Variants in DYNC1H1 observed in about 807,000 individuals in gnomAD.
DYNC1H1 encodes dynein cytoplasmic 1 heavy chain 1.
Under a neutral mutation model 527.1 loss-of-function variants are expected in DYNC1H1, and 51 were observed. That is an observed-to-expected ratio of 0.10 (90% CI 0.08 to 0.12). The LOEUF (loss-of-function observed/expected upper bound fraction) is 0.12. Among genes scored for constraint, DYNC1H1 ranks in the 10% least tolerant of loss-of-function variants. The pLI, the probability that DYNC1H1 is intolerant of heterozygous loss-of-function variation, is 1.00. For missense variants in DYNC1H1, 2,771 were observed against 5,971.8 expected (o/e 0.46, Z 17.66); for synonymous variants, 2,189 against 2,278.8 (o/e 0.96, Z 1.12).
rs1467686842 is a variant in DYNC1H1 at position 102,036,469 on chromosome 14, T to C, written c.10755-20T>C. On this transcript the variant is annotated intron_variant, in intron 56 of 77. Transcript: ENST00000360184. This position sits in a 1 kb window ranked among gnomAD's most constrained non-coding sequence, Gnocchi z 5.6. ...CCCCATTCGGTGTTTCAACCTTCTC[T>C]TCTGTGGCCTCATCCTCAGGTATCC... The C allele has an allele frequency of 6.2e-7, 1 of 1,612,974 alleles. No homozygotes were observed. Among genetic ancestry groups the C allele is most frequent in the Non-Finnish European group, 8.5e-7 (1 of 1,179,770 alleles).
In DYNC1H1 at chr14:102,027,297, G is replaced by T; in HGVS notation, c.8886+9G>T. 6.2e-7 allele frequency: 1 copy of T among 1,614,096 alleles called. No individual in the cohort carries two copies. ...GTGTGTACCAGATTAAGGTGCGTCTGGTCGGTGGCCTCTTAATCCCAGCAA... is the reference window on the plus strand; with the variant it reads ...GTGTGTACCAGATTAAGGTGCGTCTTGTCGGTGGCCTCTTAATCCCAGCAA... On this transcript the variant is annotated intron_variant, in intron 45 of 77. Coordinates refer to ENST00000360184, the MANE Select transcript of DYNC1H1 (RefSeq NM_001376.5). The surrounding 1 kb of genome is among the most constrained non-coding windows in gnomAD (Gnocchi z 7.7).
Position 102,036,942 on chromosome 14 carries a change from C to A in DYNC1H1, c.10908+300C>A. ...CTAAACCCCATCTCTACAAAAAATA[C>A]AAAAATTAGCTGGTTGAGGTGGCTG... On this transcript the variant is annotated intron_variant, in intron 57 of 77. Coordinates refer to ENST00000360184, the MANE Select transcript of DYNC1H1 (RefSeq NM_001376.5). The surrounding 1 kb of genome is among the most constrained non-coding windows in gnomAD (Gnocchi z 5.6). The A allele has an allele frequency of 2.8e-6, 1 of 359,868 alleles. No homozygotes were observed. The highest frequency in any genetic ancestry group is 2.2e-5 in the South Asian group (1 of 46,054). 22.3% of individuals were successfully genotyped at this position (359,868 alleles called of 1,614,324 possible).
At chr14:101,984,450 A>ATTTTT (rs34383305) in intron 7 of DYNC1H1, among the ~76,000 whole-genome samples, 1 of 69,966 alleles carries the variant, frequency 1.4e-5, no homozygotes, top group African/African-American at 6.5e-5. Flanking sequence ...TATATATTAT[A>ATTTTT]TTTTTTTTTT....
At chr14:101,976,561 A>AT (rs1259820068) in intron 2 of DYNC1H1, among the ~76,000 whole-genome samples, 1 of 151,830 alleles carries the variant, frequency 6.6e-6, no homozygotes, top group East Asian at 1.9e-4. Context: ...AAAAAAAAAA[A>AT]GGAAAAGAAA....
rs1208902706 is a variant in DYNC1H1 at position 102,033,567 on chromosome 14, T to C, written c.10413+83T>C. 3 of 1,552,284 alleles carry C rather than the reference T, an allele frequency of 1.9e-6. No individual in the cohort carries two copies. The highest frequency in any genetic ancestry group is 4.7e-5 in the East Asian group (2 of 42,604). On this transcript the variant is annotated intron_variant, in intron 54 of 77. Coordinates refer to ENST00000360184, the MANE Select transcript of DYNC1H1 (RefSeq NM_001376.5). The surrounding 1 kb of genome is among the most constrained non-coding windows in gnomAD (Gnocchi z 5.6). ...ACTTCAACATGCGCTGCATGCACCA[T>C]GCTGGCCTCGGTGAATTCGCTCTTT...
At chr14:102,050,350 GCCGGGCCCCATCAGCTGTC>G in intron 77 of DYNC1H1, 66 bp from the exon 78 acceptor site, 11 of 1,611,938 alleles carry the variant, frequency 6.8e-6, no homozygotes, top group Non-Finnish European at 9.3e-6. Context: ...ACCTCTCCTT[GCCGGGCCCCATCAGCTGTC>G]CCGGGCAGTC....
intron 12 of DYNC1H1, 113 bp downstream of exon 12, chr14:101,994,437 T>C: frequency 1.3e-6 from 2 of 1,498,508 alleles, no homozygotes; most frequent in South Asian, 1.2e-5. Context: ...TATGGTTCAC[T>C]AGATACTATT....
chr14:101,984,932 C>CAAAAAAAAAAAA (rs773102943), intron 7 of DYNC1H1, among the ~76,000 whole-genome samples: 1 of 40,154 alleles, frequency 2.5e-5, no homozygotes, highest in Non-Finnish European at 5.1e-5. Flanking sequence ...GGCTCCGTCT[C>CAAAAAAAAAAAA]AAAAAAAAAA....
chr14:101,997,543 C>T lies in DYNC1H1; in HGVS notation c.3804+269C>T, dbSNP rs370544030. The stretch of plus-strand genomic sequence containing the variant: ...TAGATCATTCTCTTACGTAGATATG[C>T]GCAGAAATTAGAGTTTAATTTCCTG... On this transcript the variant is annotated intron_variant, in intron 16 of 77. Coordinates refer to ENST00000360184, the MANE Select transcript of DYNC1H1 (RefSeq NM_001376.5). This position sits in a 1 kb window ranked among gnomAD's most constrained non-coding sequence, Gnocchi z 4.8. Among the ~76,000 whole-genome samples, 202 of 152,296 alleles carry T rather than the reference C, an allele frequency of 1.3e-3. No individual in the cohort carries two copies. The highest frequency in any genetic ancestry group is 6.8e-3 in the Middle Eastern group (2 of 294).
In DYNC1H1 at chr14:102,039,378, A is replaced by C; in HGVS notation, c.11461-34A>C. ...CAGAAGTTCAGCGGGGTGCCGAGGG[A>C]GCTGCCTCACCGCTGCCCACTGCTT... is the stretch of plus-strand genomic sequence containing the variant. On this transcript the variant is annotated intron_variant, in intron 60 of 77. Transcript: ENST00000360184. The surrounding 1 kb of genome is among the most constrained non-coding windows in gnomAD (Gnocchi z 7.0). 1 of 1,610,726 alleles carries C rather than the reference A, an allele frequency of 6.2e-7. No homozygotes were observed. Among genetic ancestry groups the C allele is most frequent in the Non-Finnish European group, 8.5e-7 (1 of 1,176,772 alleles).
chr14:101,981,342 C>G (rs1399907483), intron 5 of DYNC1H1, among the ~76,000 whole-genome samples: 1 of 152,182 alleles, frequency 6.6e-6, no homozygotes, highest in East Asian at 1.9e-4. Flanking sequence ...ATGCTGGTAT[C>G]AAACTCCTAG....
rs546411178 is a variant in DYNC1H1, at chr14:102,051,101, A to G, written c.*538A>G. ...CAACATAGTGAGACCCCGTCTCTAC[A>G]GGAAATTAAATCAGGTGTGGTGGTG... On this transcript the variant is annotated 3_prime_UTR_variant, in exon 78 of 78. Coordinates refer to ENST00000360184, the MANE Select transcript of DYNC1H1 (RefSeq NM_001376.5). 4.7e-5 allele frequency: 10 copies of G among 211,396 alleles called. No homozygotes were observed. Among genetic ancestry groups the G allele is most frequent in the African/African-American group, 2.1e-4 (9 of 42,970 alleles). The allele number at this position is 211,396 out of a possible 1,614,324, so 13.1% of individuals were successfully genotyped here.
Position 102,032,455 on chromosome 14 carries a change from C to T in DYNC1H1, c.10067C>T (p.Ala3356Val). The T allele has an allele frequency of 6.2e-7, 1 of 1,614,138 alleles. No homozygotes were observed. The highest frequency in any genetic ancestry group is 8.5e-7 in the Non-Finnish European group (1 of 1,180,038). ...NFIPTIVNFS[A>V]EEISDAIREK... ...ATCCCCACCATCGTCAACTTCTCTG[C>T]AGAGGAGATCAGGTGAGAAAGTGGA... The change falls in exon 52 of 78, where the codon GCA becomes GTA. Residue 3356 changes from alanine to valine, a missense_variant. By Grantham distance (64) the Ala-to-Val change is moderately conservative. Coordinates refer to ENST00000360184, the MANE Select transcript of DYNC1H1 (RefSeq NM_001376.5).
At chr14:101,975,361 G>T (rs1052889780) in intron 1 of DYNC1H1, among the ~76,000 whole-genome samples, 3 of 152,238 alleles carry the variant, frequency 2.0e-5, no homozygotes, top group Non-Finnish European at 4.4e-5. Flanking sequence ...GAAGCACAAT[G>T]AATGAGCTTC....
Position 102,038,856 on chromosome 14 carries a change from C to G in DYNC1H1, c.11206+8C>G. The G allele has an allele frequency of 1.9e-6, 3 of 1,614,194 alleles. No individual in the cohort carries two copies. The highest frequency in any genetic ancestry group is 2.5e-6 in the Non-Finnish European group (3 of 1,180,044). On this transcript the variant is annotated splice_region_variant and intron_variant, in intron 59 of 77. Transcript: ENST00000360184. The surrounding 1 kb of genome is among the most constrained non-coding windows in gnomAD (Gnocchi z 7.2). ...ATCTTCTTAAACTTCAAGGTAGGAT[C>G]TGGACCTGTGGCTTTTAGATGGTTG...
rs147204277 is a variant in DYNC1H1, at chr14:102,039,056, C to T, written c.11262C>T (p.Asn3754=). ...AAAAATCTCTACTACAAGCTCTGAACGAGGTGAAAGGGCGCATTTTGGATG... is the reference window on the plus strand; with the variant it reads ...AAAAATCTCTACTACAAGCTCTGAATGAGGTGAAAGGGCGCATTTTGGATG... The part of the protein sequence containing the change: ...QLEKSLLQAL[N]EVKGRILDDD... The change falls in exon 60 of 78, where the codon AAC becomes AAT. Residue 3754 remains asparagine (N), a synonymous_variant. Transcript: ENST00000360184. This position sits in a 1 kb window ranked among gnomAD's most constrained non-coding sequence, Gnocchi z 7.0. 7.4e-6 allele frequency: 12 copies of T among 1,614,070 alleles called. No individual in the cohort carries two copies. The highest frequency in any genetic ancestry group is 3.3e-5 in the South Asian group (3 of 91,086).
chr14:102,000,475 G>GT, intron 18 of DYNC1H1, 76 bp downstream of exon 18: 3 of 1,361,494 alleles, frequency 2.2e-6, no homozygotes, highest in Non-Finnish European at 3.1e-6. Flanking sequence ...GACAAGCCAA[G>GT]TTTGTGTATT....
rs967743464 is a variant in DYNC1H1 at position 102,011,528 on chromosome 14, C to T, written c.6619-347C>T. On this transcript the variant is annotated intron_variant, in intron 32 of 77. Coordinates refer to ENST00000360184, the MANE Select transcript of DYNC1H1 (RefSeq NM_001376.5). This position sits in a 1 kb window ranked among gnomAD's most constrained non-coding sequence, Gnocchi z 5.3. ...AGCCTTCCTGACTTACTAAAGAACTCGCCACAGTTTGGAAATGTTTGTTTT... is the reference window on the plus strand; with the variant it reads ...AGCCTTCCTGACTTACTAAAGAACTTGCCACAGTTTGGAAATGTTTGTTTT... The T allele has an allele frequency of 7.8e-5, 28 of 360,084 alleles. No individual in the cohort carries two copies. Among genetic ancestry groups the T allele is most frequent in the African/African-American group, 5.3e-4 (25 of 47,246 alleles). The allele number at this position is 360,084 out of a possible 1,614,324, so 22.3% of individuals were successfully genotyped here. A position where few individuals can be genotyped will look rare whatever the true frequency, so the allele number is the denominator to read the frequency against.
In DYNC1H1 at chr14:102,050,926, G is replaced by A. The variant is rs1009777695; in HGVS notation, c.*363G>A. The A allele has an allele frequency of 7.0e-5, 25 of 357,614 alleles. No homozygotes were observed. The East Asian group carries it at 1.4e-3, about 21-fold the overall frequency. The allele number at this position is 357,614 out of a possible 1,614,324, so 22.2% of individuals were successfully genotyped here. A position where few individuals can be genotyped will look rare whatever the true frequency, so the allele number is the denominator to read the frequency against. On this transcript the variant is annotated 3_prime_UTR_variant, in exon 78 of 78. Coordinates refer to ENST00000360184, the MANE Select transcript of DYNC1H1 (RefSeq NM_001376.5). ...TTTCATCATGAGCTCGCTCCCGAGC[G>A]GCCACAGCACTCATGAATGAAGACC... is the stretch of plus-strand genomic sequence containing the variant.
Sources: gnomAD v4.1 joint callset for allele counts (sites outside exome capture counted in the v4.1 genomes callset) on GRCh38, gnomAD v4.1.1 for gene constraint, Gnocchi (gnomAD v3.1) non-coding constraint, MANE v1.5 for transcripts, NCBI Gene and HGNC (gene_info 2026-07-23, HGNC 2026-07-21) for gene names.